Variants in RORA observed in about 807,000 individuals in gnomAD.
The protein encoded by RORA is RAR related orphan receptor A.
In RORA, 7 loss-of-function variants were observed where a neutral mutation model predicts 69.5. The observed-to-expected ratio is 0.10, with a 90% confidence interval of 0.06 to 0.19. The LOEUF (loss-of-function observed/expected upper bound fraction) is 0.19, where lower values mean the gene tolerates loss of function less well. Ranked by LOEUF, RORA falls within the 10% of genes least tolerant of loss-of-function variation. The probability of loss-of-function intolerance (pLI) is 1.00; values close to 1 mark genes in which losing one functional copy is unlikely to be tolerated. For missense variants in RORA, 457 were observed against 663.0 expected (o/e 0.69, Z 3.41); for synonymous variants, 261 against 240.8 (o/e 1.08, Z -0.78).
At chr15:61,119,085 G>GGT (rs1555412579) in intron 1 of RORA, among the ~76,000 whole-genome samples, 12 of 150,336 alleles carry the variant, frequency 8.0e-5, no homozygotes, top group East Asian at 2.0e-4. Context: ...AACAGAAGGG[G>GGT]GGGGGGGGCG....
intron 1 of RORA, among the ~76,000 whole-genome samples, chr15:60,974,653 T>C (rs1595855530): frequency 6.6e-6 from 1 of 152,192 alleles, no homozygotes; most frequent in South Asian, 2.1e-4. Flanking sequence ...CTGTGCCAGG[T>C]TCCTTGTAAG....
intron 1 of RORA, among the ~76,000 whole-genome samples, chr15:61,090,223 G>C (rs1426436971): frequency 1.3e-5 from 2 of 152,200 alleles, no homozygotes; most frequent in East Asian, 3.9e-4. Flanking sequence ...GGGTCAGGCT[G>C]CATGAATCAC....
At chr15:61,228,283 GCGCACACGCCCCC>G (rs888542139) in intron 1 of RORA, among the ~76,000 whole-genome samples, 111 of 152,240 alleles carry the variant, frequency 7.3e-4, no homozygotes, top group Non-Finnish European at 1.4e-3. Flanking sequence ...GCGCGTTGGC[GCGCACACGCCCCC>G]CGCCAGCCTG....
In RORA at chr15:60,511,659, G is replaced by T; in HGVS notation, c.425-38C>A. The T allele has an allele frequency of 6.5e-7, 1 of 1,545,962 alleles. No individual in the cohort carries two copies. Among genetic ancestry groups the T allele is most frequent in the Non-Finnish European group, 8.7e-7 (1 of 1,148,260 alleles). ...AGCCAAACCATACTACATACAATGC[G>T]CTTTTCTTCAATATTCTCTCCTGCG... On this transcript the variant is annotated intron_variant, in intron 4 of 10. Coordinates refer to ENST00000335670, the MANE Select transcript of RORA (RefSeq NM_134261.3). This position sits in a 1 kb window ranked among gnomAD's most constrained non-coding sequence, Gnocchi z 6.4.
At chr15:60,687,313 G>A (rs951049222) in intron 1 of RORA, among the ~76,000 whole-genome samples, 8 of 152,128 alleles carry the variant, frequency 5.3e-5, no homozygotes, top group African/African-American at 1.9e-4. Context: ...GAATTTTTTA[G>A]AGTATCAATA....
At chr15:61,004,058 C>A (rs913187197) in intron 1 of RORA, among the ~76,000 whole-genome samples, 2 of 152,030 alleles carry the variant, frequency 1.3e-5, no homozygotes, top group African/African-American at 4.8e-5. Flanking sequence ...TAAAGACACG[C>A]CACAGGGAGC....
At chr15:60,754,573 A>G (rs777502370) in intron 1 of RORA, among the ~76,000 whole-genome samples, 1 of 151,942 alleles carries the variant, frequency 6.6e-6, no homozygotes, top group African/African-American at 2.4e-5. Flanking sequence ...TTGACCCCCA[A>G]CTTTGACGCC....
At position 61,043,761 on chromosome 15, in the gene RORA, G is replaced by A. The variant is rs1595910799; in HGVS notation, c.166+185292C>T. 2.0e-5 allele frequency among the ~76,000 whole-genome samples: 3 copies of A among 152,224 alleles called. No individual in the cohort carries two copies. In the South Asian group the frequency reaches 6.2e-4, roughly 32 times the overall value. ...TAGGGACTATAGAAGAAGGCAGGAG[G>A]CAAGGAAGCAAAGGGTTTTATTTTT... On this transcript the variant is annotated intron_variant, in intron 1 of 10. Transcript: ENST00000335670.
Position 60,719,645 on chromosome 15 carries a change from G to T in RORA, c.167-40959C>A, listed in dbSNP as rs146024798. ...ATCTTAATTTAAAGAGTTGGGGTTTGGGGAATCATGGCACTGCAAAAAGCT... is the reference window on the plus strand; with the variant it reads ...ATCTTAATTTAAAGAGTTGGGGTTTTGGGAATCATGGCACTGCAAAAAGCT... On this transcript the variant is annotated intron_variant, in intron 1 of 10. Transcript: ENST00000335670. Among the ~76,000 whole-genome samples, 63 of 152,282 alleles carry T rather than the reference G, an allele frequency of 4.1e-4. No individual in the cohort carries two copies. The East Asian group carries it at 0.01, about 25-fold the overall frequency.
chr15:60,855,468 C>T (rs2607582), intron 1 of RORA, among the ~76,000 whole-genome samples: 132,927 of 152,230 alleles, frequency 0.87, 58,730 homozygotes, highest in East Asian at 0.99. Flanking sequence ...TTTAGTCATA[C>T]ACTTATGAGG....
intron 1 of RORA, among the ~76,000 whole-genome samples, chr15:60,783,370 T>G (rs999350772): frequency 6.6e-6 from 1 of 152,182 alleles, no homozygotes; most frequent in African/African-American, 2.4e-5. Context: ...TTAATTAAAT[T>G]TTATTGACAA....
intron 1 of RORA, among the ~76,000 whole-genome samples, chr15:60,888,329 C>T (rs541517046): frequency 1.3e-5 from 2 of 152,208 alleles, no homozygotes; most frequent in Non-Finnish European, 2.9e-5. Context: ...GGCAGCAGGC[C>T]GGTGGGCCTG....
At position 61,159,458 on chromosome 15, in the gene RORA, G is replaced by T. The variant is rs577726322; in HGVS notation, c.166+69595C>A. 1.6e-3 allele frequency among the ~76,000 whole-genome samples: 237 copies of T among 152,210 alleles called. 1 individual carries two copies. Among genetic ancestry groups the T allele is most frequent in the African/African-American group, 5.5e-3 (228 of 41,530 alleles). ...CAGAAACCCTTGTCAAAAACTGATGGTTATTGCATGCTAATTTCACCACAA... is the reference window on the plus strand; with the variant it reads ...CAGAAACCCTTGTCAAAAACTGATGTTTATTGCATGCTAATTTCACCACAA... On this transcript the variant is annotated intron_variant, in intron 1 of 10. Coordinates refer to ENST00000335670, the MANE Select transcript of RORA (RefSeq NM_134261.3).
intron 1 of RORA, among the ~76,000 whole-genome samples, chr15:60,998,264 G>T (rs1466522173): frequency 6.6e-6 from 1 of 151,770 alleles, no homozygotes; most frequent in African/African-American, 2.4e-5. Context: ...CCTGGACTCA[G>T]GTGATCCTCC....
At chr15:60,843,799 C>A (rs1451491548) in intron 1 of RORA, among the ~76,000 whole-genome samples, 1 of 152,180 alleles carries the variant, frequency 6.6e-6, no homozygotes, top group Non-Finnish European at 1.5e-5. Flanking sequence ...CCGTGAATGT[C>A]TCTTTTTGCT....
At chr15:60,793,645 CAG>C (rs1182245992) in intron 1 of RORA, among the ~76,000 whole-genome samples, 44 of 152,298 alleles carry the variant, frequency 2.9e-4, no homozygotes, top group African/African-American at 1.0e-3. Flanking sequence ...GTGTGAGAAG[CAG>C]AGAGTAAGGA....
intron 1 of RORA, among the ~76,000 whole-genome samples, chr15:60,909,645 A>G (rs1891645117): frequency 6.6e-6 from 1 of 152,220 alleles, no homozygotes; most frequent in African/African-American, 2.4e-5. Context: ...ACAGAGGAAG[A>G]GCAGGTTGAA....
intron 1 of RORA, among the ~76,000 whole-genome samples, chr15:60,814,196 AG>A (rs202062833): frequency 0.012 from 1,816 of 152,262 alleles, 40 homozygotes; most frequent in African/African-American, 0.042. Flanking sequence ...TTTGCCCAGA[AG>A]GACTTTCTCT....
chr15:60,771,420 T>C (rs912715871), intron 1 of RORA, among the ~76,000 whole-genome samples: 4 of 152,194 alleles, frequency 2.6e-5, no homozygotes, highest in Non-Finnish European at 5.9e-5. Flanking sequence ...CTCTATACTG[T>C]ATTCTTTCCA....
Sources: gnomAD v4.1 joint callset for allele counts (sites outside exome capture counted in the v4.1 genomes callset) on GRCh38, gnomAD v4.1.1 for gene constraint, Gnocchi (gnomAD v3.1) non-coding constraint, MANE v1.5 for transcripts, NCBI Gene and HGNC (gene_info 2026-07-23, HGNC 2026-07-21) for gene names.